Variants in PCNX2 observed in about 807,000 individuals in gnomAD.
PCNX2 encodes pecanex-like protein 2.
PCNX2 carries 168 observed loss-of-function variants against 223.8 expected under a neutral mutation model. That is an observed-to-expected ratio of 0.75 (90% CI 0.66 to 0.85). The LOEUF (loss-of-function observed/expected upper bound fraction) is 0.85. Ranked by LOEUF, PCNX2 falls within the 40% of genes least tolerant of loss-of-function variation. The pLI is 0.00. For synonymous variants in PCNX2, 1,006 were observed against 1,052.6 expected, an observed-to-expected ratio of 0.96 and a Z score of 0.86; for missense variants, 2,507 against 2,675.5, an observed-to-expected ratio of 0.94 and a Z score of 1.39.
In PCNX2 at chr1:232,998,374, C is replaced by T. The variant is rs888107285; in HGVS notation, c.5668G>A (p.Gly1890Arg). 1 of 1,613,358 alleles carries T rather than the reference C, an allele frequency of 6.2e-7. No homozygotes were observed. Among genetic ancestry groups the T allele is most frequent in the Non-Finnish European group, 8.5e-7 (1 of 1,179,734 alleles). ...GGNIEDVDGG[G>R]APTTGGNNAP... is the part of the protein sequence containing the mutation. Reference sequence around the variant, plus strand: ...TTGTTGCCACCTGTCGTCGGGGCCCCTCCTCCGTCCACGTCTTCAATGTTG... The same window carrying T: ...TTGTTGCCACCTGTCGTCGGGGCCCTTCCTCCGTCCACGTCTTCAATGTTG... The change falls in exon 32 of 34, where the codon GGG (glycine) becomes AGG (arginine). Residue 1890 changes from glycine (G) to arginine (R), a missense_variant. By Grantham distance (125) the Gly-to-Arg change is moderately radical (BLOSUM62 -2). Around this residue, in one of 3 missense-constraint regions of PCNX2, gnomAD observed 1,372 missense variants for 1,509.4 expected, o/e 0.91. Coordinates refer to ENST00000258229, the MANE Select transcript of PCNX2 (RefSeq NM_014801.4).
At chr1:233,240,803 G>A (rs1483001863) in intron 8 of PCNX2, among the ~76,000 whole-genome samples, 2 of 152,190 alleles carry the variant, frequency 1.3e-5, no homozygotes, top group Non-Finnish European at 2.9e-5. Flanking sequence ...TGACCATGAC[G>A]ATATTCCACC....
chr1:233,194,164 C>A (rs778159157), intron 15 of PCNX2, among the ~76,000 whole-genome samples: 3 of 151,054 alleles, frequency 2.0e-5, no homozygotes, highest in Non-Finnish European at 4.4e-5. Context: ...AAAAAAGAAA[C>A]GTTACTAACA....
chr1:233,074,046 T>C (rs1171748172), intron 23 of PCNX2, among the ~76,000 whole-genome samples: 5 of 152,218 alleles, frequency 3.3e-5, no homozygotes, highest in African/African-American at 7.2e-5. Context: ...TTTAATTTTC[T>C]TTGAGATTTC....
chr1:233,155,067 CAAAA>C (rs558141357), intron 19 of PCNX2, among the ~76,000 whole-genome samples: 8 of 94,958 alleles, frequency 8.4e-5, no homozygotes, highest in Admixed American at 1.1e-4. Context: ...GACTCCGTCT[CAAAA>C]AAAAAAAAAA....
chr1:233,057,322 T>C (rs1672229596), intron 23 of PCNX2, 32 bp from the exon 24 acceptor site: 2 of 1,541,106 alleles, frequency 1.3e-6, no homozygotes, highest in Non-Finnish European at 1.8e-6. Context: ...TAAAAGGTCA[T>C]GATTAGATCC....
Position 233,001,638 on chromosome 1 carries a change from C to T in PCNX2, c.4996G>A (p.Asp1666Asn), listed in dbSNP as rs770861184. 79 of 1,594,750 alleles carry T rather than the reference C, an allele frequency of 5.0e-5. No homozygotes were observed. Among genetic ancestry groups the T allele is most frequent in the Non-Finnish European group, 6.4e-5 (75 of 1,168,990 alleles). The change falls in exon 29 of 34, where the codon GAC (aspartate) becomes AAC (asparagine). Residue 1666 changes from aspartate (D) to asparagine (N), a missense_variant. Physicochemically the swap from Asp to Asn is conservative, Grantham distance 23. Coordinates refer to ENST00000258229, the MANE Select transcript of PCNX2 (RefSeq NM_014801.4). This position sits in a 1 kb window ranked among gnomAD's most constrained non-coding sequence, Gnocchi z 4.2. ...LYGLHVLFKG[D>N]FRITARDEWV... is the part of the protein sequence containing the mutation. ...TCGTCACGTGCTGTTATTCTGAAGTCACCTTTGAAGAGGACATGGAGGCCA... is the reference window on the plus strand; with the variant it reads ...TCGTCACGTGCTGTTATTCTGAAGTTACCTTTGAAGAGGACATGGAGGCCA...
At chr1:233,202,165 G>A in intron 13 of PCNX2, 1 of 465,616 alleles carries the variant, frequency 2.1e-6, no homozygotes, top group South Asian at 1.6e-5. Context: ...AGGACTTCAG[G>A]AAAATGACAC....
intron 12 of PCNX2, among the ~76,000 whole-genome samples, chr1:233,212,862 G>A (rs910723272): frequency 6.6e-6 from 1 of 152,154 alleles, no homozygotes; most frequent in Non-Finnish European, 1.5e-5. Context: ...ATTGAGTATT[G>A]AGAAATTATT....
At chr1:233,106,519 A>C (rs967473774) in intron 21 of PCNX2, among the ~76,000 whole-genome samples, 7 of 151,690 alleles carry the variant, frequency 4.6e-5, no homozygotes, top group African/African-American at 1.7e-4. Flanking sequence ...CACCTGGCTA[A>C]CTTTTTGTGT....
At chr1:233,123,671 T>C (rs989281950) in intron 21 of PCNX2, among the ~76,000 whole-genome samples, 2 of 152,306 alleles carry the variant, frequency 1.3e-5, no homozygotes, top group East Asian at 1.9e-4. Flanking sequence ...AGTTAATGAC[T>C]TGATGAAGGC....
chr1:233,200,974 C>T (rs1168156982), intron 13 of PCNX2, among the ~76,000 whole-genome samples: 7 of 139,354 alleles, frequency 5.0e-5, no homozygotes, highest in Non-Finnish European at 9.1e-5. Flanking sequence ...TGCAGTGAGC[C>T]GAGATTGCAC....
chr1:232,996,954 A>G (rs1449078351), intron 32 of PCNX2, among the ~76,000 whole-genome samples: 2 of 150,238 alleles, frequency 1.3e-5, no homozygotes, highest in Non-Finnish European at 3.0e-5. Flanking sequence ...AAAAATGCAG[A>G]TCTGCGGAGC....
At chr1:233,318,345 T>C in the PCNX2 span, among the ~76,000 whole-genome samples, 6 of 152,292 alleles carry the variant, frequency 3.9e-5, no homozygotes, top group East Asian at 7.7e-4. Context: ...CTGCAGTTTT[T>C]CATCTCTCCT....
intron 26 of PCNX2, among the ~76,000 whole-genome samples, chr1:233,020,736 C>T (rs1281173713): frequency 6.6e-6 from 1 of 152,106 alleles, no homozygotes; most frequent in Admixed American, 6.5e-5. Flanking sequence ...GACTGCTAAG[C>T]GGGTTTTAAA....
chr1:232,997,815 A>C (rs79620160), intron 32 of PCNX2, among the ~76,000 whole-genome samples: 4,365 of 152,194 alleles, frequency 0.029, 192 homozygotes, highest in African/African-American at 0.099. Flanking sequence ...TAAGTGGAGG[A>C]AGGTGAGAAT....
intron 25 of PCNX2, among the ~76,000 whole-genome samples, chr1:233,027,448 G>C (rs1240318828): frequency 6.6e-6 from 1 of 152,196 alleles, no homozygotes; most frequent in Non-Finnish European, 1.5e-5. Context: ...CTGCTGAGCA[G>C]AAGTGGTGAA....
chr1:233,315,865 G>A, the PCNX2 span, among the ~76,000 whole-genome samples: 11 of 152,080 alleles, frequency 7.2e-5, no homozygotes, highest in African/African-American at 2.7e-4. Flanking sequence ...ATTTCTAGCA[G>A]GTTGTGAAGA....
intron 25 of PCNX2, among the ~76,000 whole-genome samples, chr1:233,025,997 ATT>A (rs1279909147): frequency 2.6e-5 from 4 of 152,250 alleles, no homozygotes; most frequent in African/African-American, 7.2e-5. Flanking sequence ...CTCACCAAAT[ATT>A]GAGTGCATCC....
intron 33 of PCNX2, chr1:232,985,853 T>C (rs1669454557): frequency 4.9e-6 from 3 of 611,422 alleles, no homozygotes; most frequent in African/African-American, 3.7e-5. Context: ...GTGACTCCTT[T>C]CAGTGCCTGC....
Sources: allele counts gnomAD v4.1 joint callset (sites outside exome capture counted in the v4.1 genomes callset), GRCh38; gene constraint gnomAD v4.1.1; regional missense constraint gnomAD v4.1.1; non-coding constraint Gnocchi (gnomAD v3.1); transcripts MANE v1.5; gene names NCBI Gene and HGNC (gene_info 2026-07-23, HGNC 2026-07-21).